The following AKNAD1 variants were observed in gnomAD, a reference collection of about 807,000 sequenced individuals.
AKNAD1 encodes protein AKNAD1.
Under a neutral mutation model 90.8 loss-of-function variants are expected in AKNAD1, and 67 were observed. That is an observed-to-expected ratio of 0.74 (90% CI 0.61 to 0.90). The LOEUF (loss-of-function observed/expected upper bound fraction) is 0.90. Ranked by LOEUF, AKNAD1 falls within the 40% of genes least tolerant of loss-of-function variation. The pLI, the probability that AKNAD1 is intolerant of heterozygous loss-of-function variation, is 0.00. For synonymous variants in AKNAD1, 327 were observed against 341.4 expected, an observed-to-expected ratio of 0.96 and a Z score of 0.46; for missense variants, 957 against 975.4, an observed-to-expected ratio of 0.98 and a Z score of 0.25.
intron 7 of AKNAD1, chr1:108,837,263 A>C (rs1423208481): frequency 7.1e-6 from 2 of 280,794 alleles, no homozygotes; most frequent in African/African-American, 4.4e-5. Context: ...TGATCTACAA[A>C]AATTTTCTTA....
chr1:108,854,024 A>C (rs1664959693), intron 1 of AKNAD1, among the ~76,000 whole-genome samples: 1 of 152,086 alleles, frequency 6.6e-6, no homozygotes, highest in Admixed American at 6.5e-5. Flanking sequence ...TCCCTTTTCT[A>C]ATTTGGACTC....
Position 108,851,809 on chromosome 1 carries a change from C to T in AKNAD1, c.856G>A (p.Ala286Thr). ...TCTCTCGACTTGGAAGAAAAGCTGGCTTGTTTAGCTATTGCAAGTGGTTTA... is the reference window on the plus strand; with the variant it reads ...TCTCTCGACTTGGAAGAAAAGCTGGTTTGTTTAGCTATTGCAAGTGGTTTA... Reference protein sequence around the residue: ...INKPLAIAKQASFSSKSRDKP... With the variant: ...INKPLAIAKQTSFSSKSRDKP... The change falls in exon 2 of 16, where the codon GCC becomes ACC. Residue 286 changes from alanine to threonine, a missense_variant. Transcript: ENST00000370001. The T allele has an allele frequency of 6.2e-7, 1 of 1,614,080 alleles. No homozygotes were observed. Among genetic ancestry groups the T allele is most frequent in the Non-Finnish European group, 8.5e-7 (1 of 1,180,000 alleles).
chr1:108,823,408 T>G lies in AKNAD1; in HGVS notation c.2129A>C (p.Gln710Pro). ...TTTACTTTCATCTAAAGAATGGGGC[T>G]GGACAAAGGCACCTCTTTTGCTATG... The part of the protein sequence containing the change: ...SNHSKRGAFV[Q>P]PHSLDESKNS... Residue 710 changes from glutamine (Q) to proline (P), a missense_variant, in exon 13 of 16, where the codon CAG becomes CCG. Transcript: ENST00000370001. The G allele has an allele frequency of 6.2e-7, 1 of 1,614,176 alleles. No individual in the cohort carries two copies.
intron 7 of AKNAD1, chr1:108,837,118 A>C (rs1664408167): frequency 1.3e-5 from 2 of 154,418 alleles, no homozygotes; most frequent in African/African-American, 4.8e-5. Flanking sequence ...CTGTAATCTC[A>C]GCTGCTTGGG....
At chr1:108,839,275 G>A (rs976990388) in intron 6 of AKNAD1, among the ~76,000 whole-genome samples, 4 of 152,106 alleles carry the variant, frequency 2.6e-5, no homozygotes, top group African/African-American at 9.7e-5. Context: ...CACGAGGTCA[G>A]GAGATCAAGA....
At position 108,852,681 on chromosome 1, in the gene AKNAD1, C is replaced by A; in HGVS notation, c.-17G>T. 1.3e-6 allele frequency: 2 copies of A among 1,539,650 alleles called. No homozygotes were observed. Among genetic ancestry groups the A allele is most frequent in the Non-Finnish European group, 1.7e-6 (2 of 1,148,468 alleles). ...CTCATCCATGTGTGTGCAGCCCGAT[C>A]GCTCTCGTCCTCTGCCTCCTGAGCT... On this transcript the variant is annotated 5_prime_UTR_variant, in exon 2 of 16. Transcript: ENST00000370001.
At chr1:108,819,550 G>T (rs1192884514) in intron 14 of AKNAD1, among the ~76,000 whole-genome samples, 2 of 151,830 alleles carry the variant, frequency 1.3e-5, no homozygotes, top group African/African-American at 4.8e-5. Flanking sequence ...AGCCGAGGAG[G>T]TCAAGGCTGC....
chr1:108,850,719 G>T (rs1207511903), intron 2 of AKNAD1, among the ~76,000 whole-genome samples: 3 of 152,280 alleles, frequency 2.0e-5, no homozygotes, highest in Middle Eastern at 3.4e-3. Context: ...CAGGCAGTGT[G>T]GTTCAGTCCA....
intron 6 of AKNAD1, among the ~76,000 whole-genome samples, chr1:108,840,205 TA>T (rs1469892024): frequency 6.6e-6 from 1 of 152,156 alleles, no homozygotes; most frequent in Non-Finnish European, 1.5e-5. Flanking sequence ...TTGTCATACT[TA>T]AAAATTAAGA....
At chr1:108,844,167 G>A (rs966067152) in intron 5 of AKNAD1, among the ~76,000 whole-genome samples, 29 of 152,076 alleles carry the variant, frequency 1.9e-4, no homozygotes, top group African/African-American at 6.5e-4. Context: ...GTTCAAGACC[G>A]GCCTGACCAA....
At chr1:108,826,518 A>G (rs1039003675) in intron 11 of AKNAD1, among the ~76,000 whole-genome samples, 1 of 151,584 alleles carries the variant, frequency 6.6e-6, no homozygotes, top group African/African-American at 2.4e-5. Context: ...CTTTGCTTCT[A>G]TGAAATGCAT....
intron 14 of AKNAD1, among the ~76,000 whole-genome samples, chr1:108,818,518 T>A (rs1364871416): frequency 6.6e-6 from 1 of 152,164 alleles, no homozygotes; most frequent in Non-Finnish European, 1.5e-5. Context: ...TGCTGAGTAC[T>A]TATTATGAGC....
chr1:108,854,380 G>T (rs775783762), intron 1 of AKNAD1, among the ~76,000 whole-genome samples: 10 of 152,096 alleles, frequency 6.6e-5, no homozygotes, highest in Non-Finnish European at 1.3e-4. Flanking sequence ...GATTATGTTG[G>T]GTGAGCAGAT....
chr1:108,825,723 T>G (rs192950072), intron 11 of AKNAD1, among the ~76,000 whole-genome samples: 5 of 150,062 alleles, frequency 3.3e-5, no homozygotes, highest in Admixed American at 2.7e-4. Flanking sequence ...ATCATTTAGA[T>G]TTCCCAAAAC....
chr1:108,823,827 G>A (rs1032747327), intron 11 of AKNAD1, 139 bp from the exon 12 acceptor site: 2 of 1,333,090 alleles, frequency 1.5e-6, no homozygotes, highest in East Asian at 2.4e-5. Context: ...GTGTCACCAA[G>A]AGGAGTTGCC....
In AKNAD1 at chr1:108,852,762, G is replaced by T; in HGVS notation, c.-98C>A. ...TTCTCACTGACTGTCTTCACTGTGTGCTATTCTGTGTGAAATGAGAACAGC... is the reference window on the plus strand; with the variant it reads ...TTCTCACTGACTGTCTTCACTGTGTTCTATTCTGTGTGAAATGAGAACAGC... On this transcript the variant is annotated 5_prime_UTR_variant, in exon 2 of 16. Coordinates refer to ENST00000370001, the MANE Select transcript of AKNAD1 (RefSeq NM_152763.5). 1.7e-6 allele frequency: 2 copies of T among 1,149,824 alleles called. No individual in the cohort carries two copies. Among genetic ancestry groups the T allele is most frequent in the Non-Finnish European group, 1.2e-6 (1 of 832,338 alleles). 71.2% of individuals were successfully genotyped at this position (1,149,824 alleles called of 1,614,324 possible). A position where few individuals can be genotyped will look rare whatever the true frequency, so the allele number is the denominator to read the frequency against.
chr1:108,856,695 G>C (rs2101229469), intron 1 of AKNAD1, among the ~76,000 whole-genome samples: 1 of 145,948 alleles, frequency 6.9e-6, no homozygotes, highest in Non-Finnish European at 1.5e-5. Context: ...GACAGAGCAA[G>C]ACCCTGTCTC....
At position 108,816,261 on chromosome 1, in the gene AKNAD1, G is replaced by C. The variant is rs1557821268; in HGVS notation, c.2421C>G (p.Thr807=). 2 of 1,613,648 alleles carry C rather than the reference G, an allele frequency of 1.2e-6. No individual in the cohort carries two copies. The highest frequency in any genetic ancestry group is 1.7e-4 in the Middle Eastern group (1 of 6,060). ...SALDHALRTA[T]ILKETTDQMI... ...TTTGATCTGTAGTTTCTTTCAAAAT[G>C]GTTGCTGTCCTTAGGGCATGATCCA... The change falls in exon 16 of 16, where the codon ACC becomes ACG. Residue 807 remains threonine (T), a synonymous_variant. Coordinates refer to ENST00000370001, the MANE Select transcript of AKNAD1 (RefSeq NM_152763.5).
chr1:108,831,845 T>C (rs12068294), intron 9 of AKNAD1, among the ~76,000 whole-genome samples: 51,160 of 151,846 alleles, frequency 0.34, 9,609 homozygotes, highest in African/African-American at 0.52. Context: ...GGGCTGGTCT[T>C]GAGCTCCTGA....
Sources: allele counts gnomAD v4.1 joint callset (sites outside exome capture counted in the v4.1 genomes callset), GRCh38; gene constraint gnomAD v4.1.1; transcripts MANE v1.5; gene names NCBI Gene and HGNC (gene_info 2026-07-23, HGNC 2026-07-21).